XRCC3: variants seen among roughly 807,000 people sequenced by gnomAD.
XRCC3 encodes the protein DNA repair protein XRCC3.
A neutral mutation model predicts 29.2 loss-of-function variants in XRCC3; 34 were observed. That is an observed-to-expected ratio of 1.16 (90% CI 0.88 to 1.55). The LOEUF is 1.55. Among genes scored for constraint, XRCC3 ranks in the 40% most tolerant of loss-of-function variants. The pLI is 0.00. For synonymous variants in XRCC3, 223 were observed against 211.3 expected, an observed-to-expected ratio of 1.06 and a Z score of -0.48; for missense variants, 463 against 467.6, an observed-to-expected ratio of 0.99 and a Z score of 0.09.
rs1595617406 is a variant in XRCC3, at chr14:103,698,772, A to G, written c.*26T>C. 5 of 1,567,642 alleles carry G rather than the reference A, an allele frequency of 3.2e-6. No individual in the cohort carries two copies. Among genetic ancestry groups the G allele is most frequent in the Non-Finnish European group, 4.3e-6 (5 of 1,156,660 alleles). Reference sequence around the variant, plus strand: ...CCCCGTGTGTCGGGGCTTCTCAGGCAGGGCTGTTGTGCAGCCGCCACCGTG... The same window carrying G: ...CCCCGTGTGTCGGGGCTTCTCAGGCGGGGCTGTTGTGCAGCCGCCACCGTG... On this transcript the variant is annotated 3_prime_UTR_variant, in exon 10 of 10. Coordinates refer to ENST00000555055, the MANE Select transcript of XRCC3 (RefSeq NM_005432.4).
At chr14:103,710,912 C>T in intron 4 of XRCC3, 121 bp downstream of exon 4, 3 of 934,130 alleles carry the variant, frequency 3.2e-6, no homozygotes, top group Non-Finnish European at 3.4e-6. Flanking sequence ...ATCCCGCCCT[C>T]GGTTTAATAA....
At chr14:103,705,030 T>G (rs1167815997) in intron 6 of XRCC3, 4 of 152,128 alleles carry the variant, frequency 2.6e-5, no homozygotes, top group Non-Finnish European at 5.9e-5. Flanking sequence ...CTGAGCTGAT[T>G]TTGCTTTGAC....
At chr14:103,701,239 A>T in intron 7 of XRCC3, 1 of 1,547,352 alleles carries the variant, frequency 6.5e-7, no homozygotes, top group Non-Finnish European at 8.7e-7. Context: ...GGGACTGCCG[A>T]GTGTGGCCCG....
rs1190603616 is a variant in XRCC3, at chr14:103,699,346, C to T, written c.774+18G>A. On this transcript the variant is annotated intron_variant, in intron 8 of 9. Coordinates refer to ENST00000555055, the MANE Select transcript of XRCC3 (RefSeq NM_005432.4). ...TAAAAATACGAGCTCAGGGGTGCAACCCTGCCTTGGTGCTCACCTGGTTGA... is the reference window on the plus strand; with the variant it reads ...TAAAAATACGAGCTCAGGGGTGCAATCCTGCCTTGGTGCTCACCTGGTTGA... 6.3e-7 allele frequency: 1 copy of T among 1,587,374 alleles called. No homozygotes were observed. The highest frequency in any genetic ancestry group is 2.3e-5 in the East Asian group (1 of 43,244).
rs564463067 is a variant in XRCC3, at chr14:103,706,181, C to T, written c.406+822G>A. The stretch of plus-strand genomic sequence containing the variant: ...CTGAAGCTCAGGCAGGCACAGCACA[C>T]CCTGGGTCCTGGGGATGACGCTGAC... On this transcript the variant is annotated intron_variant, in intron 6 of 9. Coordinates refer to ENST00000555055, the MANE Select transcript of XRCC3 (RefSeq NM_005432.4). 4 of 379,768 alleles carry T rather than the reference C, an allele frequency of 1.1e-5. No homozygotes were observed. In the East Asian group the frequency reaches 2.9e-4, roughly 27 times the overall value. The allele number at this position is 379,768 out of a possible 1,614,324, so 23.5% of individuals were successfully genotyped here.
chr14:103,703,393 C>A lies in XRCC3; in HGVS notation c.407-66G>T, dbSNP rs56036704. 76 of 1,492,626 alleles carry A rather than the reference C, an allele frequency of 5.1e-5. 1 individual carries two copies. In the African/African-American group the frequency reaches 6.9e-4, roughly 14 times the overall value. The allele number at this position is 1,492,626 out of a possible 1,614,324, so 92.5% of individuals were successfully genotyped here. A position where few individuals can be genotyped will look rare whatever the true frequency, so the allele number is the denominator to read the frequency against. On this transcript the variant is annotated intron_variant, in intron 6 of 9. Coordinates refer to ENST00000555055, the MANE Select transcript of XRCC3 (RefSeq NM_005432.4). The stretch of plus-strand genomic sequence containing the variant: ...ACGGGCCTGTGACTGCCACACAAAT[C>A]AAGTGCAGATGTCTCCCGCCATTTC...
At position 103,698,555 on chromosome 14, in the gene XRCC3, G is replaced by A; in HGVS notation, c.*243C>T. ...CCCCAAGGGCCAGCTCAGCAGTGGG[G>A]ACCAGGTACCCAGCAAGCGGGCCTG... On this transcript the variant is annotated 3_prime_UTR_variant, in exon 10 of 10. Coordinates refer to ENST00000555055, the MANE Select transcript of XRCC3 (RefSeq NM_005432.4). 1 of 564,322 alleles carries A rather than the reference G, an allele frequency of 1.8e-6. No homozygotes were observed. The highest frequency in any genetic ancestry group is 2.0e-5 in the South Asian group (1 of 50,262). 35.0% of individuals were successfully genotyped at this position (564,322 alleles called of 1,614,324 possible). A position where few individuals can be genotyped will look rare whatever the true frequency, so the allele number is the denominator to read the frequency against.
At position 103,699,708 on chromosome 14, in the gene XRCC3, G is replaced by C. The variant is rs2082959954; in HGVS notation, c.562-132C>G. On this transcript the variant is annotated intron_variant, in intron 7 of 9. Coordinates refer to ENST00000555055, the MANE Select transcript of XRCC3 (RefSeq NM_005432.4). ...CTGGGGCTCACAGTGCCCATACTCT[G>C]TAGTCCCCATACTCTGAGCCCAATT... 2 of 822,584 alleles carry C rather than the reference G, an allele frequency of 2.4e-6. 1 individual carries two copies. The highest frequency in any genetic ancestry group is 2.9e-5 in the South Asian group (2 of 70,152). The allele number at this position is 822,584 out of a possible 1,614,324, so 51.0% of individuals were successfully genotyped here. A position where few individuals can be genotyped will look rare whatever the true frequency, so the allele number is the denominator to read the frequency against.
intron 8 of XRCC3, 42 bp downstream of exon 8, chr14:103,699,322 A>G (rs546723375): frequency 9.0e-6 from 14 of 1,560,802 alleles, no homozygotes; most frequent in Middle Eastern, 1.8e-4. Context: ...CATCCTGGCT[A>G]AAAATACGAG....
At chr14:103,703,102 G>A (rs2083291651) in intron 7 of XRCC3, 71 bp downstream of exon 7, 3 of 1,538,460 alleles carry the variant, frequency 1.9e-6, no homozygotes, top group Middle Eastern at 3.3e-4. Context: ...CATTGCCGTG[G>A]TGGCTACACC....
intron 4 of XRCC3, 56 bp downstream of exon 4, chr14:103,710,977 T>C: frequency 6.3e-7 from 1 of 1,587,098 alleles, no homozygotes; most frequent in Non-Finnish European, 8.7e-7. Context: ...TTAACCTGCC[T>C]TATATAAACT....
chr14:103,705,326 A>T (rs1171467453), intron 6 of XRCC3: 1 of 152,524 alleles, frequency 6.6e-6, no homozygotes, highest in East Asian at 1.9e-4. Flanking sequence ...AGCAGGTGGA[A>T]CCGGTCAAGC....
At chr14:103,710,174 T>A (rs1021557984) in intron 4 of XRCC3, 1 of 152,112 alleles carries the variant, frequency 6.6e-6, no homozygotes, top group African/African-American at 2.4e-5. Flanking sequence ...AAAAAGATGC[T>A]GTAAGAAAGA....
rs530785814 is a variant in XRCC3, at chr14:103,711,613, G to C, written c.-260-46C>G. ...AGTCTGGGATTGGCAGGGTGCTCAGGGATCCAAACATCAGTCGCCCCCAGC... is the reference window on the plus strand; with the variant it reads ...AGTCTGGGATTGGCAGGGTGCTCAGCGATCCAAACATCAGTCGCCCCCAGC... On this transcript the variant is annotated intron_variant, in intron 2 of 9. Transcript: ENST00000555055. 3 of 456,422 alleles carry C rather than the reference G, an allele frequency of 6.6e-6. No individual in the cohort carries two copies. The East Asian group carries it at 2.1e-4, about 32-fold the overall frequency. 28.3% of individuals were successfully genotyped at this position (456,422 alleles called of 1,614,324 possible). A position where few individuals can be genotyped will look rare whatever the true frequency, so the allele number is the denominator to read the frequency against.
chr14:103,700,279 C>T (rs1256793816), intron 7 of XRCC3: 2 of 231,434 alleles, frequency 8.6e-6, no homozygotes, highest in East Asian at 1.2e-4. Flanking sequence ...CAGCCCTGTG[C>T]CCACCAGCTC....
At chr14:103,708,448 C>T in intron 5 of XRCC3, 74 bp downstream of exon 5, 2 of 1,603,142 alleles carry the variant, frequency 1.2e-6, no homozygotes, top group Non-Finnish European at 1.7e-6. Flanking sequence ...CTGCACAGCC[C>T]CTGCCCTGCA....
rs745564626 is a variant in XRCC3, at chr14:103,699,003, C to T, written c.836G>A (p.Arg279His). 1.1e-5 allele frequency: 18 copies of T among 1,590,778 alleles called. No individual in the cohort carries two copies. In the Admixed American group the frequency reaches 1.6e-4, roughly 14 times the overall value. ...GGTTATGCCAAGGGCTGGGGAAACA[C>T]GTTCGTCCCAGAACCTGAGAAACAG... ...AHGPLGFWDERVSPALGITWA... is the reference protein window; with the variant it reads ...AHGPLGFWDEHVSPALGITWA... The change falls in exon 10 of 10, where the codon CGT becomes CAT. Residue 279 changes from arginine (R) to histidine (H), a missense_variant. Transcript: ENST00000555055.
At chr14:103,706,400 C>T (rs559203954) in intron 6 of XRCC3, 34 of 456,044 alleles carry the variant, frequency 7.5e-5, no homozygotes, top group African/African-American at 3.8e-4. Context: ...TTTAAGACAA[C>T]GTGGGAATCG....
rs34023186 is a variant in XRCC3 at position 103,698,336 on chromosome 14, G to A, written c.*462C>T. 409 of 197,766 alleles carry A rather than the reference G, an allele frequency of 2.1e-3. No individual in the cohort carries two copies. The highest frequency in any genetic ancestry group is 6.8e-3 in the Admixed American group (127 of 18,766). The allele number at this position is 197,766 out of a possible 1,614,324, so 12.3% of individuals were successfully genotyped here. ...CCACTGTGGCCTGAGTGGTGGGGGA[G>A]TAAGGACTGCCCTGTGTGCAGGAGG... On this transcript the variant is annotated 3_prime_UTR_variant, in exon 10 of 10. Transcript: ENST00000555055.
Sources: gnomAD v4.1 joint callset for allele counts on GRCh38, gnomAD v4.1.1 for gene constraint, MANE v1.5 for transcripts, NCBI Gene and HGNC (gene_info 2026-07-23, HGNC 2026-07-21) for gene names.